Variants in PPFIA2 observed in about 807,000 individuals in gnomAD.
PPFIA2 encodes liprin-alpha-2.
Under a neutral mutation model 175.5 loss-of-function variants are expected in PPFIA2, and 46 were observed. The ratio of observed to expected loss-of-function variants is 0.26; its 90% CI spans 0.21 to 0.34. The LOEUF (loss-of-function observed/expected upper bound fraction) is 0.34, where lower values mean the gene tolerates loss of function less well. PPFIA2 is among the 10% of genes least tolerant of loss of function. The pLI is 1.00. For synonymous variants in PPFIA2, 568 were observed against 511.4 expected (o/e 1.11, Z -1.49); for missense variants, 1,179 against 1,506.1 (o/e 0.78, Z 3.60).
At chr12:81,332,841 GT>G (rs2056398823) in intron 21 of PPFIA2, among the ~76,000 whole-genome samples, 1 of 152,000 alleles carries the variant, frequency 6.6e-6, no homozygotes. Context: ...AATCATCTCA[GT>G]TTCGATATGT....
chr12:81,697,679 T>C (rs1226105202), intron 3 of PPFIA2, among the ~76,000 whole-genome samples: 1 of 152,142 alleles, frequency 6.6e-6, no homozygotes, highest in Non-Finnish European at 1.5e-5. Context: ...TTCCAAAATG[T>C]TACAAATGCT....
At chr12:81,423,076 A>G (rs1201391953) in intron 7 of PPFIA2, among the ~76,000 whole-genome samples, 1 of 152,136 alleles carries the variant, frequency 6.6e-6, no homozygotes, top group African/African-American at 2.4e-5. Flanking sequence ...CTGAATCAAA[A>G]AGAAATAGAT....
chr12:81,411,663 T>C (rs1230681801), intron 7 of PPFIA2, among the ~76,000 whole-genome samples: 2 of 152,080 alleles, frequency 1.3e-5, no homozygotes, highest in Non-Finnish European at 2.9e-5. Flanking sequence ...AACAACTGTT[T>C]TTCTTTGATA....
chr12:81,535,697 C>T (rs1458629628), intron 4 of PPFIA2, among the ~76,000 whole-genome samples: 1 of 151,484 alleles, frequency 6.6e-6, no homozygotes, highest in Non-Finnish European at 1.5e-5. Context: ...AGACTGAGAT[C>T]TCTTTTATGA....
chr12:81,469,033 C>T (rs1054566465), intron 4 of PPFIA2, among the ~76,000 whole-genome samples: 2 of 152,054 alleles, frequency 1.3e-5, no homozygotes, highest in African/African-American at 4.8e-5. Context: ...GCAATAGAGG[C>T]GTATGAGAGT....
Position 81,715,099 on chromosome 12 carries a change from G to T in PPFIA2, c.250-38255C>A, listed in dbSNP as rs536783935. Among the ~76,000 whole-genome samples, 3 of 151,086 alleles carry T rather than the reference G, an allele frequency of 2.0e-5. No homozygotes were observed. The Admixed American group carries it at 2.0e-4, about 10-fold the overall frequency. The stretch of plus-strand genomic sequence containing the variant: ...AGGTCAAATTGTTAAAGAAATAGAT[G>T]TACTCCTTGGTCCTAATTTTACAAG... On this transcript the variant is annotated intron_variant, in intron 3 of 32. Transcript: ENST00000549396.
intron 3 of PPFIA2, among the ~76,000 whole-genome samples, chr12:81,681,315 T>C (rs2073587572): frequency 6.6e-6 from 1 of 152,054 alleles, no homozygotes; most frequent in African/African-American, 2.4e-5. Context: ...CTAAGTGGGG[T>C]TATTAGCCAG....
At chr12:81,438,365 T>C (rs2049490916) in intron 7 of PPFIA2, among the ~76,000 whole-genome samples, 1 of 152,068 alleles carries the variant, frequency 6.6e-6, no homozygotes, top group African/African-American at 2.4e-5. Context: ...CTACTTGGGA[T>C]GCCGAGGCAG....
Position 81,481,518 on chromosome 12 carries a change from A to T in PPFIA2, c.304-23652T>A, listed in dbSNP as rs568841627. ...GCTACAAGGCTACAGTAACCAAAAC[A>T]TCATGGTACTGGTACCAAAAAAAAT... On this transcript the variant is annotated intron_variant, in intron 4 of 32. Coordinates refer to ENST00000549396, the MANE Select transcript of PPFIA2 (RefSeq NM_003625.5). 1.2e-3 allele frequency among the ~76,000 whole-genome samples: 187 copies of T among 152,300 alleles called. 1 individual carries two copies. The highest frequency in any genetic ancestry group is 4.3e-3 in the African/African-American group (177 of 41,572).
At chr12:81,422,066 G>A (rs147927185) in intron 7 of PPFIA2, among the ~76,000 whole-genome samples, 204 of 146,912 alleles carry the variant, frequency 1.4e-3, no homozygotes, top group African/African-American at 4.3e-3. Context: ...ATATATATAC[G>A]TGTGTGTGTG....
chr12:81,723,458 G>A (rs942860115), intron 3 of PPFIA2, among the ~76,000 whole-genome samples: 1 of 150,990 alleles, frequency 6.6e-6, no homozygotes, highest in Non-Finnish European at 1.5e-5. Flanking sequence ...TGAAAACAAT[G>A]ACCAAATATG....
intron 22 of PPFIA2, among the ~76,000 whole-genome samples, chr12:81,316,704 G>T (rs867638568): frequency 6.6e-6 from 1 of 151,544 alleles, no homozygotes; most frequent in African/African-American, 2.4e-5. Flanking sequence ...TAAGGATAGG[G>T]TAGGGGCAGA....
intron 3 of PPFIA2, among the ~76,000 whole-genome samples, chr12:81,726,928 C>T (rs1445260678): frequency 6.6e-6 from 1 of 151,438 alleles, no homozygotes; most frequent in South Asian, 2.1e-4. Flanking sequence ...TCAAGAATGG[C>T]ATGTCTCTGA....
chr12:81,597,872 C>A (rs1267516147), intron 4 of PPFIA2: 10 of 1,378,254 alleles, frequency 7.3e-6, no homozygotes, highest in Middle Eastern at 1.8e-4. Context: ...TTAAGTCTTT[C>A]TTCCTTTATA....
chr12:81,419,649 T>G (rs1198920875), intron 7 of PPFIA2, among the ~76,000 whole-genome samples: 1 of 152,156 alleles, frequency 6.6e-6, no homozygotes, highest in Non-Finnish European at 1.5e-5. Flanking sequence ...AATATTTCAT[T>G]CCCTAGTTAT....
intron 4 of PPFIA2, among the ~76,000 whole-genome samples, chr12:81,582,907 G>C (rs971524121): frequency 6.6e-6 from 1 of 151,518 alleles, no homozygotes; most frequent in African/African-American, 2.4e-5. Context: ...ACAATTTTCC[G>C]GGGAGTTTTT....
chr12:81,356,153 C>T (rs2060820163), intron 16 of PPFIA2, among the ~76,000 whole-genome samples: 1 of 152,044 alleles, frequency 6.6e-6, no homozygotes, highest in African/African-American at 2.4e-5. Context: ...GATCTACTTT[C>T]AATATTGTTG....
At position 81,759,316 on chromosome 12, in the gene PPFIA2, CT is replaced by C. The variant is rs1219459253; in HGVS notation, c.-148del. 1 of 152,160 alleles carries C rather than the reference CT, an allele frequency of 6.6e-6. No individual in the cohort carries two copies. Among genetic ancestry groups the C allele is most frequent in the African/African-American group, 2.4e-5 (1 of 41,346 alleles). The allele number at this position is 152,160 out of a possible 1,614,324, so 9.4% of individuals were successfully genotyped here. A position where few individuals can be genotyped will look rare whatever the true frequency, so the allele number is the denominator to read the frequency against. On this transcript the variant is annotated 5_prime_UTR_variant, in exon 1 of 33. Coordinates refer to ENST00000549396, the MANE Select transcript of PPFIA2 (RefSeq NM_003625.5). ...CGGTGAGGACGCTACAGCATCTTCT[CT>C]CCTCACTTGCCTCGTGCGGTGGCTG...
intron 4 of PPFIA2, among the ~76,000 whole-genome samples, chr12:81,525,852 C>A (rs538039883): frequency 1.3e-5 from 2 of 152,126 alleles, no homozygotes; most frequent in Non-Finnish European, 2.9e-5. Flanking sequence ...AGAACCATAT[C>A]TCATTTATAA....
Sources: gnomAD v4.1 joint callset for allele counts (sites outside exome capture counted in the v4.1 genomes callset) on GRCh38, gnomAD v4.1.1 for gene constraint, MANE v1.5 for transcripts, NCBI Gene and HGNC (gene_info 2026-07-23, HGNC 2026-07-21) for gene names.